ADAMTSL3: variants seen among roughly 807,000 people sequenced by gnomAD.
ADAMTSL3 encodes the protein ADAMTS like 3.
A neutral mutation model predicts 201.7 loss-of-function variants in ADAMTSL3; 128 were observed. The ratio of observed to expected loss-of-function variants is 0.63; its 90% CI spans 0.55 to 0.73. The LOEUF (loss-of-function observed/expected upper bound fraction) is 0.73. ADAMTSL3 is among the 30% of genes least tolerant of loss of function. ADAMTSL3 has a pLI of 0.00. For synonymous variants in ADAMTSL3, 738 were observed against 748.4 expected (o/e 0.99, Z 0.23); for missense variants, 1,990 against 2,119.6 (o/e 0.94, Z 1.20).
rs893221033 is a variant in ADAMTSL3 at position 84,016,494 on chromosome 15, C to A, written c.4268C>A (p.Pro1423His). 1 of 1,613,418 alleles carries A rather than the reference C, an allele frequency of 6.2e-7. No individual in the cohort carries two copies. The highest frequency in any genetic ancestry group is 1.1e-5 in the South Asian group (1 of 91,030). The part of the protein sequence containing the change: ...NSNDPTGEPP[P>H]QEPFWEPGNW... The stretch of plus-strand genomic sequence containing the variant: ...AATGACCCAACAGGAGAACCCCCGC[C>A]TCAAGGTCTGGGATTTTGACCTTTT... Residue 1423 changes from proline (P) to histidine (H), a missense_variant, in exon 25 of 30, where the codon CCT becomes CAT. Transcript: ENST00000286744.
At chr15:83,725,722 T>C (rs73454638) in intron 3 of ADAMTSL3, among the ~76,000 whole-genome samples, 7,303 of 152,238 alleles carry the variant, frequency 0.048, 542 homozygotes, top group African/African-American at 0.17. Context: ...TATGCATTTA[T>C]ATCTGGGTTC....
At chr15:83,962,827 C>T (rs373284699) in intron 19 of ADAMTSL3, among the ~76,000 whole-genome samples, 3 of 152,166 alleles carry the variant, frequency 2.0e-5, no homozygotes, top group South Asian at 2.1e-4. Context: ...TGGCTCATCT[C>T]ATTGGGACTG....
chr15:84,001,297 G>A (rs1226988012), intron 23 of ADAMTSL3, among the ~76,000 whole-genome samples: 1 of 152,216 alleles, frequency 6.6e-6, no homozygotes, highest in Non-Finnish European at 1.5e-5. Context: ...ATATTGCAAA[G>A]AGCTGAGGAG....
At chr15:83,757,493 G>T (rs570237529) in intron 3 of ADAMTSL3, among the ~76,000 whole-genome samples, 1 of 152,178 alleles carries the variant, frequency 6.6e-6, no homozygotes, top group African/African-American at 2.4e-5. Context: ...CAGCAGGGGG[G>T]CCCTGGGCCC....
intron 3 of ADAMTSL3, among the ~76,000 whole-genome samples, chr15:83,721,798 T>A (rs1335316666): frequency 6.6e-6 from 1 of 152,174 alleles, no homozygotes; most frequent in Non-Finnish European, 1.5e-5. Context: ...AGTGGCTCGA[T>A]CTTGGCTCAC....
chr15:83,928,588 T>G (rs2066292065), intron 17 of ADAMTSL3, among the ~76,000 whole-genome samples: 1 of 152,204 alleles, frequency 6.6e-6, no homozygotes, highest in African/African-American at 2.4e-5. Flanking sequence ...AACTCTCAGT[T>G]TTATTTTTGT....
At position 83,857,958 on chromosome 15, in the gene ADAMTSL3, A is replaced by T. The variant is rs541172733; in HGVS notation, c.728-808A>T. Among the ~76,000 whole-genome samples the T allele has an allele frequency of 3.3e-5, 5 of 152,342 alleles. No individual in the cohort carries two copies. The East Asian group carries it at 9.6e-4, about 29-fold the overall frequency. Reference sequence around the variant, plus strand: ...ATATATGAGCTTAGATTATTATGTGAACACAGAAATTAAATTATCAGTGTA... The same window carrying T: ...ATATATGAGCTTAGATTATTATGTGTACACAGAAATTAAATTATCAGTGTA... On this transcript the variant is annotated intron_variant, in intron 7 of 29. Coordinates refer to ENST00000286744, the MANE Select transcript of ADAMTSL3 (RefSeq NM_207517.3).
At chr15:83,793,459 G>C (rs924517364) in intron 4 of ADAMTSL3, among the ~76,000 whole-genome samples, 6 of 150,650 alleles carry the variant, frequency 4.0e-5, no homozygotes, top group African/African-American at 1.5e-4. Context: ...ATCTGTTGGT[G>C]TGTTGTTGTT....
In ADAMTSL3 at chr15:83,870,079, A is replaced by T. The variant is rs927924822; in HGVS notation, c.803-723A>T. Among the ~76,000 whole-genome samples, 4 of 152,178 alleles carry T rather than the reference A, an allele frequency of 2.6e-5. No homozygotes were observed. The East Asian group carries it at 7.7e-4, about 29-fold the overall frequency. On this transcript the variant is annotated intron_variant, in intron 8 of 29. Coordinates refer to ENST00000286744, the MANE Select transcript of ADAMTSL3 (RefSeq NM_207517.3). ...TTTTTGTTTAAACTGTGATAAGCAAACTTTTTTTCTGTAGGAAATCTTAAA... is the reference window on the plus strand; with the variant it reads ...TTTTTGTTTAAACTGTGATAAGCAATCTTTTTTTCTGTAGGAAATCTTAAA...
At position 83,962,393 on chromosome 15, in the gene ADAMTSL3, T is replaced by C. The variant is rs188289219; in HGVS notation, c.2491-8091T>C. On this transcript the variant is annotated intron_variant, in intron 19 of 29. Coordinates refer to ENST00000286744, the MANE Select transcript of ADAMTSL3 (RefSeq NM_207517.3). Reference sequence around the variant, plus strand: ...TCAATAAATACTCTCCTAAGTCAAATTGTCATTAAAAATAACTATCCAAAT... The same window carrying C: ...TCAATAAATACTCTCCTAAGTCAAACTGTCATTAAAAATAACTATCCAAAT... The C allele has an allele frequency of 5.9e-5, 9 of 152,330 alleles. 1 individual carries two copies. The South Asian group carries it at 6.2e-4, about 11-fold the overall frequency. The allele number at this position is 152,330 out of a possible 1,614,324, so 9.4% of individuals were successfully genotyped here.
intron 2 of ADAMTSL3, among the ~76,000 whole-genome samples, chr15:83,687,970 A>G (rs2061560393): frequency 6.6e-6 from 1 of 152,222 alleles, no homozygotes; most frequent in Non-Finnish European, 1.5e-5. Context: ...TGGAGGAAAT[A>G]CCATCTAACA....
At chr15:83,819,766 C>T (rs1263622540) in intron 5 of ADAMTSL3, 45 bp from the exon 6 acceptor site, 2 of 1,488,190 alleles carry the variant, frequency 1.3e-6, no homozygotes, top group Non-Finnish European at 1.9e-6. Flanking sequence ...CTCTTGGCCT[C>T]TCTCACTGGG....
At chr15:83,865,806 T>C (rs1289374845) in intron 8 of ADAMTSL3, among the ~76,000 whole-genome samples, 1 of 152,162 alleles carries the variant, frequency 6.6e-6, no homozygotes, top group African/African-American at 2.4e-5. Flanking sequence ...CAAAAGCAAC[T>C]ACCATCAGAG....
At chr15:83,802,977 A>G (rs1043990627) in intron 4 of ADAMTSL3, among the ~76,000 whole-genome samples, 2 of 152,216 alleles carry the variant, frequency 1.3e-5, no homozygotes, top group African/African-American at 4.8e-5. Flanking sequence ...TGTTATGTGT[A>G]TTTTGTCACA....
chr15:84,012,567 C>G (rs1160660903), intron 23 of ADAMTSL3, among the ~76,000 whole-genome samples: 1 of 152,180 alleles, frequency 6.6e-6, no homozygotes, highest in Non-Finnish European at 1.5e-5. Context: ...CAGCTTCTGT[C>G]CTTCTCTTCT....
In ADAMTSL3 at chr15:83,783,223, G is replaced by A. The variant is rs118122562; in HGVS notation, c.317+9573G>A. ...CAACTTTTAAAAGTCTGGGATGCAC[G>A]TTCAATTTCTAAGGTTACCATTAAA... is the stretch of plus-strand genomic sequence containing the variant. On this transcript the variant is annotated intron_variant, in intron 4 of 29. Transcript: ENST00000286744. Among the ~76,000 whole-genome samples, 72 of 151,646 alleles carry A rather than the reference G, an allele frequency of 4.7e-4. No individual in the cohort carries two copies. The East Asian group carries it at 0.012, about 25-fold the overall frequency.
At chr15:83,657,348 C>T (rs2061101796) in intron 2 of ADAMTSL3, among the ~76,000 whole-genome samples, 1 of 152,204 alleles carries the variant, frequency 6.6e-6, no homozygotes, top group African/African-American at 2.4e-5. Flanking sequence ...TTTTCCATAT[C>T]TGTGTGCCTG....
rs537193203 is a variant in ADAMTSL3, at chr15:83,983,825, C to T, written c.3716+481C>T. Among the ~76,000 whole-genome samples the T allele has an allele frequency of 3.3e-4, 51 of 152,266 alleles. 1 individual carries two copies. Among genetic ancestry groups the T allele is most frequent in the Admixed American group, 1.3e-3 (20 of 15,278 alleles). Reference sequence around the variant, plus strand: ...CCTTTCTGATGAGGTAATTGAGAAGCAGAATCCCATGACTACTTCATGGCC... The same window carrying T: ...CCTTTCTGATGAGGTAATTGAGAAGTAGAATCCCATGACTACTTCATGGCC... On this transcript the variant is annotated intron_variant, in intron 21 of 29. Transcript: ENST00000286744.
At chr15:83,801,637 AATATATAAATATAAATATATAT>A (rs1375189540) in intron 4 of ADAMTSL3, among the ~76,000 whole-genome samples, 3 of 53,330 alleles carry the variant, frequency 5.6e-5, no homozygotes, top group South Asian at 6.5e-4. Flanking sequence ...TATATATATA[AATATATAAATATAAATATATAT>A]ATATATATAT....
Sources: gnomAD v4.1 joint callset for allele counts (sites outside exome capture counted in the v4.1 genomes callset) on GRCh38, gnomAD v4.1.1 for gene constraint, MANE v1.5 for transcripts, NCBI Gene and HGNC (gene_info 2026-07-23, HGNC 2026-07-21) for gene names.